Variants in ZNF512 observed in about 807,000 individuals in gnomAD.
ZNF512 encodes zinc finger protein 512.
ZNF512 carries 25 observed loss-of-function variants against 77.5 expected under a neutral mutation model. The ratio of observed to expected loss-of-function variants is 0.32; its 90% CI spans 0.23 to 0.45. The LOEUF is 0.45. Among genes scored for constraint, ZNF512 ranks in the 20% least tolerant of loss-of-function variants. ZNF512 has a pLI of 1.00. For synonymous variants in ZNF512, 246 were observed against 239.9 expected (o/e 1.03, Z -0.24); for missense variants, 483 against 692.6 (o/e 0.70, Z 3.40).
intron 10 of ZNF512, among the ~76,000 whole-genome samples, chr2:27,614,789 C>T (rs1444288266): frequency 6.6e-6 from 1 of 150,742 alleles, no homozygotes; most frequent in South Asian, 2.1e-4. Context: ...TACACGAATG[C>T]GAATTTGTAT....
intron 2 of ZNF512, among the ~76,000 whole-genome samples, chr2:27,591,868 C>T (rs551171851): frequency 1.6e-4 from 25 of 152,196 alleles, no homozygotes; most frequent in Non-Finnish European, 3.1e-4. Context: ...TGCCTTGTGG[C>T]ATTCTTGGTT....
rs1241398065 is a variant in ZNF512 at position 27,623,204 on chromosome 2, A to G, written c.*1743A>G. On this transcript the variant is annotated 3_prime_UTR_variant, in exon 14 of 14. Transcript: ENST00000355467. ...TGAGTTTGAAATAAATTCCACATGCAGTTGTCTCAGTAATTCTTTGGTTCA... is the reference window on the plus strand; with the variant it reads ...TGAGTTTGAAATAAATTCCACATGCGGTTGTCTCAGTAATTCTTTGGTTCA... The G allele has an allele frequency of 6.6e-6, 1 of 152,354 alleles. No individual in the cohort carries two copies. Among genetic ancestry groups the G allele is most frequent in the Non-Finnish European group, 1.5e-5 (1 of 68,068 alleles). 9.4% of individuals were successfully genotyped at this position (152,354 alleles called of 1,614,324 possible). A position where few individuals can be genotyped will look rare whatever the true frequency, so the allele number is the denominator to read the frequency against.
intron 2 of ZNF512, among the ~76,000 whole-genome samples, chr2:27,589,497 A>C (rs1671480690): frequency 6.6e-6 from 1 of 152,114 alleles, no homozygotes; most frequent in Admixed American, 6.6e-5. Flanking sequence ...GATCAGTCTA[A>C]GTCTAGCTAC....
intron 2 of ZNF512, among the ~76,000 whole-genome samples, chr2:27,589,558 C>G (rs1671482960): frequency 6.6e-6 from 1 of 152,072 alleles, no homozygotes; most frequent in Non-Finnish European, 1.5e-5. Context: ...CCCCTATTGT[C>G]TGTTTTCTAG....
At chr2:27,606,822 G>T (rs181100394) in intron 9 of ZNF512, among the ~76,000 whole-genome samples, 2 of 152,146 alleles carry the variant, frequency 1.3e-5, no homozygotes, top group Admixed American at 1.3e-4. Flanking sequence ...AATCTGTGTC[G>T]GTAGGGCTGT....
chr2:27,600,905 G>C, intron 6 of ZNF512, 90 bp downstream of exon 6: 3 of 1,462,786 alleles, frequency 2.1e-6, no homozygotes, highest in Non-Finnish European at 2.8e-6. Context: ...GGTTATAATG[G>C]ATGAAAAGCA....
At chr2:27,599,769 T>C in intron 4 of ZNF512, 91 bp downstream of exon 4, 1 of 1,271,770 alleles carries the variant, frequency 7.9e-7, no homozygotes, top group Non-Finnish European at 1.1e-6. Flanking sequence ...GTTTGAGCCC[T>C]TCAGTGACCT....
chr2:27,584,504 T>C (rs1180788029), intron 2 of ZNF512, among the ~76,000 whole-genome samples: 1 of 152,208 alleles, frequency 6.6e-6, no homozygotes, highest in East Asian at 1.9e-4. Flanking sequence ...AGGTTAGGAA[T>C]ACAGGCATGA....
chr2:27,595,824 C>G (rs1406711765), intron 2 of ZNF512, among the ~76,000 whole-genome samples: 4 of 151,956 alleles, frequency 2.6e-5, no homozygotes, highest in Non-Finnish European at 4.4e-5. Flanking sequence ...TGTGTGTTTT[C>G]TTTATAAGAA....
At position 27,621,252 on chromosome 2, in the gene ZNF512, A is replaced by G. The variant is rs764637856; in HGVS notation, c.1495A>G (p.Arg499Gly). Residue 499 changes from arginine (R) to glycine (G), a missense_variant, in exon 14 of 14, where the codon AGG becomes GGG. Transcript: ENST00000355467. ...AGAAGAAAAGCGGAGGCAGCAGCACAGGAGCAGAAGGTCTCTAAGAAGGCG... is the reference window on the plus strand; with the variant it reads ...AGAAGAAAAGCGGAGGCAGCAGCACGGGAGCAGAAGGTCTCTAAGAAGGCG... ...QEEEKRRQQH[R>G]SRRSLRRRQQ... The G allele has an allele frequency of 6.2e-7, 1 of 1,614,252 alleles. No homozygotes were observed. Among genetic ancestry groups the G allele is most frequent in the Non-Finnish European group, 8.5e-7 (1 of 1,180,052 alleles).
intron 12 of ZNF512, 68 bp downstream of exon 12, chr2:27,616,392 A>G: frequency 8.0e-7 from 1 of 1,248,670 alleles, no homozygotes; most frequent in Non-Finnish European, 1.2e-6. Flanking sequence ...AAGAGAATTC[A>G]GTTTAGGTGA....
intron 10 of ZNF512, among the ~76,000 whole-genome samples, chr2:27,612,737 G>C (rs886915661): frequency 2.0e-5 from 3 of 152,172 alleles, no homozygotes; most frequent in African/African-American, 7.2e-5. Flanking sequence ...CAAATTTTCT[G>C]TATTTGCGTA....
intron 10 of ZNF512, among the ~76,000 whole-genome samples, chr2:27,610,587 TTTTTTTTTTTTTTG>T (rs1672614954): frequency 1.2e-5 from 1 of 82,172 alleles, no homozygotes; most frequent in African/African-American, 5.0e-5. Context: ...TTTTTTTTTT[TTTTTTTTTTTTTTG>T]AGACAGCGTC....
intron 10 of ZNF512, among the ~76,000 whole-genome samples, chr2:27,613,360 G>C (rs1020065921): frequency 1.3e-5 from 2 of 152,046 alleles, no homozygotes; most frequent in Non-Finnish European, 2.9e-5. Context: ...GCTGGGCATG[G>C]TGGCGCACAC....
intron 13 of ZNF512, among the ~76,000 whole-genome samples, chr2:27,619,669 A>G (rs1461597065): frequency 6.6e-6 from 1 of 152,094 alleles, no homozygotes; most frequent in Non-Finnish European, 1.5e-5. Flanking sequence ...AACACATGAA[A>G]GTAGAGAAAA....
At chr2:27,615,500 C>T (rs1209174961) in intron 11 of ZNF512, among the ~76,000 whole-genome samples, 1 of 152,220 alleles carries the variant, frequency 6.6e-6, no homozygotes, top group African/African-American at 2.4e-5. Context: ...ACTGGAAACT[C>T]AGACTGGAAT....
chr2:27,589,332 T>C (rs567423509), intron 2 of ZNF512, among the ~76,000 whole-genome samples: 1 of 152,290 alleles, frequency 6.6e-6, no homozygotes, highest in African/African-American at 2.4e-5. Flanking sequence ...GTGTCAGTTT[T>C]GGTAAGTAGT....
At chr2:27,583,210 C>G in intron 1 of ZNF512, 68 bp downstream of exon 1, 1 of 1,607,550 alleles carries the variant, frequency 6.2e-7, no homozygotes, top group Non-Finnish European at 8.5e-7. Flanking sequence ...CGCGGTCCCT[C>G]GCTTTTGTCC....
In ZNF512 at chr2:27,599,574, G is replaced by A. The variant is rs765102105; in HGVS notation, c.278-9G>A. On this transcript the variant is annotated splice_polypyrimidine_tract_variant and intron_variant, in intron 3 of 13. Coordinates refer to ENST00000355467, the MANE Select transcript of ZNF512 (RefSeq NM_032434.4). Reference sequence around the variant, plus strand: ...TGAGTTTTTGTTTTGTTTTTGTATGGTACTTCAGGGTCAGGTGGAGTATCA... The same window carrying A: ...TGAGTTTTTGTTTTGTTTTTGTATGATACTTCAGGGTCAGGTGGAGTATCA... 1.2e-6 allele frequency: 2 copies of A among 1,611,444 alleles called. No homozygotes were observed. The highest frequency in any genetic ancestry group is 2.2e-5 in the South Asian group (2 of 91,008).
Sources: gnomAD v4.1 joint callset for allele counts (sites outside exome capture counted in the v4.1 genomes callset) on GRCh38, gnomAD v4.1.1 for gene constraint, MANE v1.5 for transcripts, NCBI Gene and HGNC (gene_info 2026-07-23, HGNC 2026-07-21) for gene names.